ANO6: variants seen among roughly 807,000 people sequenced by gnomAD.
ANO6 encodes anoctamin 6.
In ANO6, 106 loss-of-function variants were observed where a neutral mutation model predicts 117.5. That is an observed-to-expected ratio of 0.90 (90% confidence interval 0.77 to 1.06). The LOEUF (loss-of-function observed/expected upper bound fraction) is 1.06. ANO6 is among the 50% of genes least tolerant of loss of function. ANO6 has a pLI of 0.00. For synonymous variants in ANO6, 367 were observed against 385.1 expected (o/e 0.95, Z 0.55); for missense variants, 955 against 1,121.1 (o/e 0.85, Z 2.12).
intron 1 of ANO6, among the ~76,000 whole-genome samples, chr12:45,255,681 T>C (rs553318263): frequency 6.6e-6 from 1 of 152,212 alleles, no homozygotes; most frequent in South Asian, 2.1e-4. Context: ...TAGATTGTAA[T>C]AGAATTAATG....
chr12:45,402,941 T>C (rs1942831839), intron 13 of ANO6, 131 bp from the exon 14 acceptor site: 11 of 905,744 alleles, frequency 1.2e-5, no homozygotes, highest in Non-Finnish European at 1.9e-5. Context: ...TCAAAACAGC[T>C]TAAATGGAAA....
chr12:45,300,255 A>G (rs1045724598), intron 1 of ANO6, among the ~76,000 whole-genome samples: 8 of 152,202 alleles, frequency 5.3e-5, no homozygotes, highest in African/African-American at 1.9e-4. Context: ...GATCACAGTC[A>G]CTGTAGCCTC....
intron 1 of ANO6, chr12:45,256,701 C>G (rs955543397): frequency 1.3e-5 from 2 of 152,088 alleles, no homozygotes; most frequent in Admixed American, 1.3e-4. Context: ...ATTAACTGAA[C>G]CTTTCATTCC....
intron 1 of ANO6, among the ~76,000 whole-genome samples, chr12:45,257,435 G>A (rs1937875302): frequency 6.6e-6 from 1 of 152,134 alleles, no homozygotes; most frequent in South Asian, 2.1e-4. Context: ...AATGATTTCG[G>A]TGATTTAGTT....
chr12:45,325,192 A>G (rs1940419639), intron 2 of ANO6, among the ~76,000 whole-genome samples: 1 of 152,218 alleles, frequency 6.6e-6, no homozygotes, highest in African/African-American at 2.4e-5. Context: ...GGTTGTAGCA[A>G]TATTATTTTG....
At chr12:45,311,539 C>T (rs937631504) in intron 2 of ANO6, among the ~76,000 whole-genome samples, 1 of 151,768 alleles carries the variant, frequency 6.6e-6, no homozygotes, top group African/African-American at 2.4e-5. Context: ...TAGAAGATCC[C>T]GATATTTAGG....
intron 2 of ANO6, among the ~76,000 whole-genome samples, chr12:45,306,841 G>C (rs1312874665): frequency 6.6e-6 from 1 of 151,492 alleles, no homozygotes; most frequent in African/African-American, 2.4e-5. Context: ...GTGTTGGGGG[G>C]GTGGTGACAG....
At chr12:45,383,905 C>A (rs1437248347) in intron 10 of ANO6, among the ~76,000 whole-genome samples, 1 of 152,184 alleles carries the variant, frequency 6.6e-6, no homozygotes, top group Non-Finnish European at 1.5e-5. Flanking sequence ...AGAGAGTGAG[C>A]CTGTCCTTAG....
chr12:45,437,347 A>T (rs1943718375), downstream of ANO6, among the ~76,000 whole-genome samples: 1 of 152,234 alleles, frequency 6.6e-6, no homozygotes, highest in South Asian at 2.1e-4. Context: ...GTTAAGCCAG[A>T]CATTAAAAAT....
intron 15 of ANO6, among the ~76,000 whole-genome samples, chr12:45,406,591 T>C (rs541224360): frequency 6.6e-6 from 1 of 152,172 alleles, no homozygotes; most frequent in African/African-American, 2.4e-5. Context: ...TACTTATTTA[T>C]ATAATAAGAA....
intron 1 of ANO6, among the ~76,000 whole-genome samples, chr12:45,288,833 C>T (rs908991436): frequency 1.3e-5 from 2 of 152,098 alleles, no homozygotes; most frequent in Admixed American, 6.5e-5. Flanking sequence ...CTGCAAGCTC[C>T]ACCTCCTGGG....
intron 1 of ANO6, among the ~76,000 whole-genome samples, chr12:45,290,539 A>AG (rs1169147013): frequency 6.6e-6 from 1 of 152,192 alleles, no homozygotes; most frequent in Non-Finnish European, 1.5e-5. Context: ...TGAGAGCCTG[A>AG]GGGTCTTAGG....
At chr12:45,389,710 C>A (rs1000659197) in intron 11 of ANO6, among the ~76,000 whole-genome samples, 1 of 152,168 alleles carries the variant, frequency 6.6e-6, no homozygotes, top group African/African-American at 2.4e-5. Flanking sequence ...GTTGGGTGAT[C>A]TTGGACCAAT....
chr12:45,361,901 A>G (rs1941565086), intron 8 of ANO6, among the ~76,000 whole-genome samples: 1 of 152,042 alleles, frequency 6.6e-6, no homozygotes, highest in Non-Finnish European at 1.5e-5. Context: ...GTTTTCTAGT[A>G]TTTTATTGAA....
chr12:45,394,896 C>A (rs543210542), intron 12 of ANO6, among the ~76,000 whole-genome samples: 1 of 152,092 alleles, frequency 6.6e-6, no homozygotes, highest in African/African-American at 2.4e-5. Context: ...AAAGCAGGAA[C>A]GATCTAAAAT....
Position 45,431,915 on chromosome 12 carries a change from A to AT in ANO6, c.*2609dup, listed in dbSNP as rs1193541173. On this transcript the variant is annotated 3_prime_UTR_variant, in exon 20 of 20. Coordinates refer to ENST00000320560, the MANE Select transcript of ANO6 (RefSeq NM_001025356.3). ...AAACATTAGAGCAAATACTCAGGGG[A>AT]TTTTTCATTAAACATCCCTCAGATA... The AT allele has an allele frequency of 4.2e-5, 41 of 985,256 alleles. No homozygotes were observed. The highest frequency in any genetic ancestry group is 1.1e-4 in the East Asian group (1 of 8,834). The allele number at this position is 985,256 out of a possible 1,614,324, so 61.0% of individuals were successfully genotyped here.
In ANO6 at chr12:45,267,620, G is replaced by A. The variant is rs901662897; in HGVS notation, c.71-34394G>A. On this transcript the variant is annotated intron_variant, in intron 1 of 19. Transcript: ENST00000320560. ...AGCCTGGCCAGTGTGGTGAAACCCC[G>A]TCTCTACTAAAAATATAAAAATTAG... Among the ~76,000 whole-genome samples, 11 of 151,984 alleles carry A rather than the reference G, an allele frequency of 7.2e-5. No individual in the cohort carries two copies. The East Asian group carries it at 1.6e-3, about 21-fold the overall frequency.
rs541904181 is a variant in ANO6 at position 45,288,761 on chromosome 12, T to G, written c.71-13253T>G. On this transcript the variant is annotated intron_variant, in intron 1 of 19. Coordinates refer to ENST00000320560, the MANE Select transcript of ANO6 (RefSeq NM_001025356.3). ...TAACTTTTTTGTTTGTTTGTTTTGT[T>G]TTGTTTGACGGAGTCTCACTCTGTC... Among the ~76,000 whole-genome samples, 19 of 152,296 alleles carry G rather than the reference T, an allele frequency of 1.2e-4. No individual in the cohort carries two copies. In the East Asian group the frequency reaches 3.3e-3, roughly 26 times the overall value.
chr12:45,424,351 T>G (rs1565773335), intron 19 of ANO6, among the ~76,000 whole-genome samples: 1 of 136,546 alleles, frequency 7.3e-6, no homozygotes, highest in Non-Finnish European at 1.6e-5. Flanking sequence ...TTTTTTTTTT[T>G]TTTTAAAGAC....
Sources: allele counts gnomAD v4.1 joint callset (sites outside exome capture counted in the v4.1 genomes callset), GRCh38; gene constraint gnomAD v4.1.1; transcripts MANE v1.5; gene names NCBI Gene and HGNC (gene_info 2026-07-23, HGNC 2026-07-21).